PHKA1: variants seen among roughly 807,000 people sequenced by gnomAD.
PHKA1 encodes phosphorylase b kinase regulatory subunit alpha, skeletal muscle isoform.
PHKA1 carries 60 observed loss-of-function variants against 110.2 expected under a neutral mutation model. The observed-to-expected ratio is 0.54, with a 90% CI of 0.44 to 0.68. The LOEUF (loss-of-function observed/expected upper bound fraction) is 0.68, where lower values mean the gene tolerates loss of function less well. Among genes scored for constraint, PHKA1 ranks in the 30% least tolerant of loss-of-function variants. The pLI is 0.00. For missense variants in PHKA1, 801 were observed against 942.5 expected, an observed-to-expected ratio of 0.85 and a Z score of 1.97; for synonymous variants, 316 against 333.6, an observed-to-expected ratio of 0.95 and a Z score of 0.58.
chrX:72,584,858 C>T (rs377296460), intron 29 of PHKA1, among the ~76,000 whole-genome samples: 11 of 105,212 alleles, frequency 1.0e-4, no homozygotes, highest in Admixed American at 3.1e-4. Context: ...CCCGTTAACT[C>T]GTCATTTACA....
intron 18 of PHKA1, 119 bp downstream of exon 18, chrX:72,622,990 G>C (rs993971821): frequency 4.2e-5 from 49 of 1,156,302 alleles, no homozygotes; most frequent in Non-Finnish European, 4.9e-5. Flanking sequence ...CAAAAGTAGA[G>C]ATCTAGAGTG....
At chrX:72,652,454 T>A in intron 12 of PHKA1, 90 bp downstream of exon 12, 1 of 574,351 alleles carries the variant, frequency 1.7e-6, no homozygotes, top group Non-Finnish European at 3.0e-6. Context: ...GCAGAAGACA[T>A]CCTTCAGATT....
intron 29 of PHKA1, among the ~76,000 whole-genome samples, chrX:72,590,230 T>C (rs2052498510): frequency 9.0e-6 from 1 of 111,335 alleles, no homozygotes; most frequent in African/African-American, 3.3e-5. Context: ...AACAGAGATA[T>C]AGACCAATGG....
chrX:72,624,986 C>G (rs1556281862), intron 17 of PHKA1, among the ~76,000 whole-genome samples: 2 of 112,460 alleles, frequency 1.8e-5, no homozygotes, highest in East Asian at 5.5e-4. Flanking sequence ...TAACAACTAA[C>G]TGCTAACATG....
At chrX:72,631,792 C>T (rs1190759679) in intron 16 of PHKA1, among the ~76,000 whole-genome samples, 2 of 110,918 alleles carry the variant, frequency 1.8e-5, no homozygotes, top group African/African-American at 6.5e-5. Flanking sequence ...GGATTTTTAG[C>T]TGCACTTAGC....
At chrX:72,673,084 A>ATT (rs369859370) in intron 6 of PHKA1, among the ~76,000 whole-genome samples, 2 of 105,478 alleles carry the variant, frequency 1.9e-5, no homozygotes, top group East Asian at 2.9e-4. Flanking sequence ...GATCAAAAGG[A>ATT]TTTTTTTTTT....
At chrX:72,591,853 G>A (rs1319076242) in intron 29 of PHKA1, among the ~76,000 whole-genome samples, 1 of 111,971 alleles carries the variant, frequency 8.9e-6, no homozygotes, top group Non-Finnish European at 1.9e-5. Context: ...AATTTTAAGT[G>A]CTTTTCTTTG....
chrX:72,631,634 G>A (rs2053167845), intron 16 of PHKA1, among the ~76,000 whole-genome samples: 1 of 106,604 alleles, frequency 9.4e-6, no homozygotes, highest in African/African-American at 3.4e-5. Context: ...TTGTATTTCT[G>A]AGATGTCAGC....
At chrX:72,633,401 G>C (rs1556289573) in intron 16 of PHKA1, among the ~76,000 whole-genome samples, 1 of 111,457 alleles carries the variant, frequency 9.0e-6, no homozygotes, top group East Asian at 2.8e-4. Context: ...CATCTTAGAA[G>C]GAGAGACTTC....
At chrX:72,584,996 G>A (rs1037360672) in intron 29 of PHKA1, among the ~76,000 whole-genome samples, 3 of 101,920 alleles carry the variant, frequency 2.9e-5, no homozygotes, top group Non-Finnish European at 3.9e-5. Flanking sequence ...GTGAGAACAC[G>A]CGGTGTTTGG....
intron 28 of PHKA1, among the ~76,000 whole-genome samples, chrX:72,597,897 A>G (rs1556236461): frequency 9.0e-6 from 1 of 111,506 alleles, no homozygotes. Context: ...AGCTAACTCT[A>G]TAAAACCCTT....
chrX:72,653,659 G>A (rs2053456676), intron 10 of PHKA1, 129 bp from the exon 11 acceptor site: 2 of 497,563 alleles, frequency 4.0e-6, no homozygotes, highest in Non-Finnish European at 7.1e-6. Flanking sequence ...GAAAGGAAAG[G>A]GTATTTACTA....
In PHKA1 at chrX:72,602,859, C is replaced by T. The variant is rs1386074927; in HGVS notation, c.2917+260G>A. Among the ~76,000 whole-genome samples the T allele has an allele frequency of 2.7e-5, 3 of 111,779 alleles. No individual in the cohort carries two copies. The Admixed American group carries it at 2.8e-4, about 11-fold the overall frequency. Reference sequence around the variant, plus strand: ...GTTGCTAGTTGTCCTAAAGTGGAGGCTTAAGATAATGTGAGGGAATGCATT... The same window carrying T: ...GTTGCTAGTTGTCCTAAAGTGGAGGTTTAAGATAATGTGAGGGAATGCATT... On this transcript the variant is annotated intron_variant, in intron 26 of 31. Transcript: ENST00000373542.
intron 8 of PHKA1, among the ~76,000 whole-genome samples, chrX:72,663,677 G>C (rs2053586109): frequency 9.6e-6 from 1 of 104,150 alleles, no homozygotes; most frequent in African/African-American, 3.5e-5. Flanking sequence ...ACTAGCAACA[G>C]ATTTCTCAAT....
chrX:72,667,354 C>T (rs1556306853), intron 7 of PHKA1, 21 bp downstream of exon 7: 3 of 1,135,559 alleles, frequency 2.6e-6, no homozygotes, highest in East Asian at 3.0e-5. Context: ...TTTGCTATTT[C>T]CATTTTCCAT....
intron 3 of PHKA1, among the ~76,000 whole-genome samples, chrX:72,701,289 C>T (rs1247921673): frequency 8.9e-6 from 1 of 112,081 alleles, no homozygotes; most frequent in African/African-American, 3.2e-5. Flanking sequence ...GTTTCTGACC[C>T]TTGGTAAGTA....
intron 6 of PHKA1, among the ~76,000 whole-genome samples, chrX:72,670,397 A>G (rs2053676624): frequency 9.0e-6 from 1 of 111,487 alleles, no homozygotes; most frequent in Non-Finnish European, 1.9e-5. Flanking sequence ...CCATTTGTCA[A>G]TTTTGGCTTT....
intron 29 of PHKA1, among the ~76,000 whole-genome samples, chrX:72,591,500 T>C (rs1270617345): frequency 1.8e-5 from 2 of 110,984 alleles, no homozygotes; most frequent in Non-Finnish European, 3.8e-5. Flanking sequence ...GCATGGCACA[T>C]GTATACCTAT....
At position 72,618,941 on chromosome X, in the gene PHKA1, C is replaced by CT. The variant is rs782380030; in HGVS notation, c.2230-93dup. On this transcript the variant is annotated intron_variant, in intron 20 of 31. Transcript: ENST00000373542. ...ATGAGTCATATTTTCACCTCTAAAC[C>CT]TTTTCCAAGGAATTCTTTAAATACT... The CT allele has an allele frequency of 2.3e-5, 20 of 860,141 alleles. No homozygotes were observed. The East Asian group carries it at 6.3e-4, about 27-fold the overall frequency. The allele number at this position is 860,141 out of a possible 1,213,427, so 70.9% of individuals were successfully genotyped here.
Sources: gnomAD v4.1 joint callset for allele counts (sites outside exome capture counted in the v4.1 genomes callset) on GRCh38, gnomAD v4.1.1 for gene constraint, MANE v1.5 for transcripts, NCBI Gene and HGNC (gene_info 2026-07-23, HGNC 2026-07-21) for gene names.